Variants in PRKG2 observed in about 807,000 individuals in gnomAD.
The protein encoded by PRKG2 is protein kinase cGMP-dependent 2.
Under a neutral mutation model 97.2 loss-of-function variants are expected in PRKG2, and 33 were observed. The observed-to-expected ratio is 0.34, with a 90% CI of 0.26 to 0.45. The LOEUF (loss-of-function observed/expected upper bound fraction) is 0.45, where lower values mean the gene tolerates loss of function less well. PRKG2 is among the 20% of genes least tolerant of loss of function. The probability of loss-of-function intolerance (pLI) is 1.00; values close to 1 mark genes in which losing one functional copy is unlikely to be tolerated. For missense variants in PRKG2, 638 were observed against 900.0 expected (o/e 0.71, Z 3.73); for synonymous variants, 330 against 321.8 (o/e 1.03, Z -0.27).
chr4:81,138,251 G>A (rs183335845), intron 12 of PRKG2, among the ~76,000 whole-genome samples: 5 of 152,292 alleles, frequency 3.3e-5, no homozygotes, highest in South Asian at 4.1e-4. Flanking sequence ...GAAGCGGGAC[G>A]TAGGCAGGGC....
At chr4:81,113,506 A>G (rs1055306771) in intron 14 of PRKG2, among the ~76,000 whole-genome samples, 1 of 152,186 alleles carries the variant, frequency 6.6e-6, no homozygotes, top group Non-Finnish European at 1.5e-5. Flanking sequence ...CATCATCTCC[A>G]AAGATTTTAA....
At chr4:81,189,066 T>TAAAATAAAAA (rs1752192390) in intron 2 of PRKG2, among the ~76,000 whole-genome samples, 15 of 17,058 alleles carry the variant, frequency 8.8e-4, no homozygotes, top group Non-Finnish European at 1.0e-3. Flanking sequence ...AAAAAAATAA[T>TAAAATAAAAA]AAAAAAAAAA....
chr4:81,140,276 A>T (rs1292142027), intron 12 of PRKG2, among the ~76,000 whole-genome samples: 3 of 152,158 alleles, frequency 2.0e-5, no homozygotes, highest in Non-Finnish European at 4.4e-5. Flanking sequence ...ATTTAATTGG[A>T]CATTGTAAAA....
intron 2 of PRKG2, among the ~76,000 whole-genome samples, chr4:81,176,906 C>CAG (rs1750977735): frequency 6.6e-6 from 1 of 152,016 alleles, no homozygotes; most frequent in South Asian, 2.1e-4. Flanking sequence ...AAATCAATAT[C>CAG]CTACAACCCA....
intron 10 of PRKG2, 100 bp from the exon 11 acceptor site, chr4:81,143,047 T>C (rs1747454435): frequency 1.5e-6 from 2 of 1,364,038 alleles, no homozygotes; most frequent in Non-Finnish European, 1.9e-6. Context: ...ATTTCTGCTG[T>C]AACTATGATT....
intron 1 of PRKG2, among the ~76,000 whole-genome samples, chr4:81,211,955 C>T (rs781706940): frequency 6.6e-6 from 1 of 151,664 alleles, no homozygotes; most frequent in Non-Finnish European, 1.5e-5. Context: ...GAAACTGATA[C>T]ATTTGATGTT....
At chr4:81,156,399 A>C (rs1749097942) in intron 6 of PRKG2, among the ~76,000 whole-genome samples, 1 of 152,192 alleles carries the variant, frequency 6.6e-6, no homozygotes, top group African/African-American at 2.4e-5. Context: ...ATATATATGC[A>C]CCCAATACAG....
chr4:81,092,585 T>C, intron 17 of PRKG2, 133 bp from the exon 18 acceptor site: 1 of 650,220 alleles, frequency 1.5e-6, no homozygotes, highest in Non-Finnish European at 2.7e-6. Flanking sequence ...TTATCTGTCA[T>C]GGCTTTAAAT....
chr4:81,102,099 C>T (rs1185587044), intron 17 of PRKG2, among the ~76,000 whole-genome samples: 1 of 152,198 alleles, frequency 6.6e-6, no homozygotes, highest in Non-Finnish European at 1.5e-5. Flanking sequence ...CTATACTCTG[C>T]ACTCAGAGTC....
chr4:81,139,611 G>GA (rs11372286), intron 12 of PRKG2, among the ~76,000 whole-genome samples: 12,593 of 136,646 alleles, frequency 0.092, 1,728 homozygotes, highest in African/African-American at 0.3. Flanking sequence ...ACTAAAAATA[G>GA]AAAAAAAAAA....
chr4:81,100,346 T>G lies in PRKG2; in HGVS notation c.2126+4024A>C, dbSNP rs555788382. ...AGGCTACAGTAACAAAAACAGCATG[T>G]TACTGGTACCAAAACAGAGATGCAG... On this transcript the variant is annotated intron_variant, in intron 17 of 18. Coordinates refer to ENST00000264399, the MANE Select transcript of PRKG2 (RefSeq NM_006259.3). 2.6e-4 allele frequency among the ~76,000 whole-genome samples: 39 copies of G among 152,194 alleles called. No individual in the cohort carries two copies. In the East Asian group the frequency reaches 6.4e-3, roughly 25 times the overall value.
In PRKG2 at chr4:81,115,969, C is replaced by T. The variant is rs141439590; in HGVS notation, c.1777-5358G>A. Among the ~76,000 whole-genome samples, 242 of 152,252 alleles carry T rather than the reference C, an allele frequency of 1.6e-3. 1 individual carries two copies. The highest frequency in any genetic ancestry group is 3.0e-3 in the Non-Finnish European group (202 of 68,008). Reference sequence around the variant, plus strand: ...ACTATGTTTCTGGTATTTAAAAATACACTAAGTTATTGTATTATTAATCTT... The same window carrying T: ...ACTATGTTTCTGGTATTTAAAAATATACTAAGTTATTGTATTATTAATCTT... On this transcript the variant is annotated intron_variant, in intron 14 of 18. Transcript: ENST00000264399.
At chr4:81,167,879 G>A (rs1750125643) in intron 5 of PRKG2, among the ~76,000 whole-genome samples, 1 of 151,968 alleles carries the variant, frequency 6.6e-6, no homozygotes. Flanking sequence ...GGAAGAGGCT[G>A]GAAAGAACAT....
At chr4:81,176,286 C>T (rs996111695) in intron 2 of PRKG2, among the ~76,000 whole-genome samples, 9 of 152,026 alleles carry the variant, frequency 5.9e-5, no homozygotes, top group South Asian at 2.1e-4. Context: ...CACCACAGTC[C>T]AAGAACAAAT....
At chr4:81,154,665 G>A (rs1349222718) in intron 6 of PRKG2, among the ~76,000 whole-genome samples, 1 of 151,802 alleles carries the variant, frequency 6.6e-6, no homozygotes, top group Non-Finnish European at 1.5e-5. Flanking sequence ...CACAAAGATG[G>A]GGAAAAAACA....
intron 9 of PRKG2, among the ~76,000 whole-genome samples, chr4:81,146,645 C>A (rs1200921226): frequency 6.6e-6 from 1 of 152,148 alleles, no homozygotes; most frequent in Non-Finnish European, 1.5e-5. Context: ...TATTCAGCCA[C>A]CATCTGGTGA....
At chr4:81,157,998 C>T (rs1749259684) in intron 6 of PRKG2, among the ~76,000 whole-genome samples, 1 of 149,520 alleles carries the variant, frequency 6.7e-6, no homozygotes. Flanking sequence ...AAACTGGAAG[C>T]ATTCCCTTTG....
chr4:81,088,915 CTGGT>C lies in PRKG2; in HGVS notation c.*789_*792del, dbSNP rs1430937267. 1 of 152,196 alleles carries C rather than the reference CTGGT, an allele frequency of 6.6e-6. No homozygotes were observed. Among genetic ancestry groups the C allele is most frequent in the African/African-American group, 2.4e-5 (1 of 41,446 alleles). 9.4% of individuals were successfully genotyped at this position (152,196 alleles called of 1,614,324 possible). ...ATTTTGTTCCAGCACGTTTTCTACT[CTGGT>C]TGTGAAAATATTTTAGCATCATTTA... On this transcript the variant is annotated 3_prime_UTR_variant, in exon 19 of 19. Transcript: ENST00000264399.
chr4:81,207,351 G>A (rs779743500), intron 1 of PRKG2, among the ~76,000 whole-genome samples: 1 of 152,098 alleles, frequency 6.6e-6, no homozygotes, highest in African/African-American at 2.4e-5. Flanking sequence ...GGAGGAAAAG[G>A]ATTTGCCTTA....
Sources: allele counts gnomAD v4.1 joint callset (sites outside exome capture counted in the v4.1 genomes callset), GRCh38; gene constraint gnomAD v4.1.1; transcripts MANE v1.5; gene names NCBI Gene and HGNC (gene_info 2026-07-23, HGNC 2026-07-21).